Variants in RCAN2 observed in about 807,000 individuals in gnomAD.
The protein encoded by RCAN2 is calcipressin-2.
In RCAN2, 9 loss-of-function variants were observed where a neutral mutation model predicts 23.6. That is an observed-to-expected ratio of 0.38 (90% CI 0.23 to 0.67). The LOEUF (loss-of-function observed/expected upper bound fraction) is 0.67. RCAN2 is among the 30% of genes least tolerant of loss of function. The pLI, the probability that RCAN2 is intolerant of heterozygous loss-of-function variation, is 0.51. For synonymous variants in RCAN2, 109 were observed against 115.7 expected, an observed-to-expected ratio of 0.94 and a Z score of 0.37; for missense variants, 273 against 302.3, an observed-to-expected ratio of 0.90 and a Z score of 0.72.
rs535288875 is a variant in RCAN2, at chr6:46,226,537, C to T, written c.572-3236G>A. On this transcript the variant is annotated intron_variant, in intron 4 of 4. Coordinates refer to ENST00000371374, the MANE Select transcript of RCAN2 (RefSeq NM_001251974.2). The stretch of plus-strand genomic sequence containing the variant: ...GTTGAATTCCTAGGTATTTTATTCT[C>T]TTTGAAGAAATTGTGAATGGGAGTT... Among the ~76,000 whole-genome samples, 5 of 152,228 alleles carry T rather than the reference C, an allele frequency of 3.3e-5. No individual in the cohort carries two copies. The East Asian group carries it at 9.6e-4, about 29-fold the overall frequency.
At chr6:46,465,461 T>C (rs1268692149) in intron 1 of RCAN2, among the ~76,000 whole-genome samples, 1 of 152,022 alleles carries the variant, frequency 6.6e-6, no homozygotes, top group Non-Finnish European at 1.5e-5. Flanking sequence ...CAACAGATAG[T>C]ACAAAACCCT....
At chr6:46,384,214 G>T (rs1765682740) in intron 2 of RCAN2, among the ~76,000 whole-genome samples, 2 of 152,142 alleles carry the variant, frequency 1.3e-5, no homozygotes, top group South Asian at 4.1e-4. Flanking sequence ...TCCCTCATCT[G>T]CTTCGCCATT....
intron 2 of RCAN2, among the ~76,000 whole-genome samples, chr6:46,318,455 T>C (rs1763512513): frequency 6.6e-6 from 1 of 152,160 alleles, no homozygotes; most frequent in South Asian, 2.1e-4. Context: ...GTTGTAGTAC[T>C]AGACTGTAAG....
At chr6:46,416,647 T>G (rs1473859668) in intron 2 of RCAN2, among the ~76,000 whole-genome samples, 1 of 151,822 alleles carries the variant, frequency 6.6e-6, no homozygotes, top group African/African-American at 2.4e-5. Context: ...TCCGAGTGGC[T>G]AGGACTTGGG....
In RCAN2 at chr6:46,278,503, A is replaced by G. The variant is rs533609964; in HGVS notation, c.226-29607T>C. Among the ~76,000 whole-genome samples the G allele has an allele frequency of 6.6e-5, 10 of 152,276 alleles. No individual in the cohort carries two copies. In the East Asian group the frequency reaches 1.2e-3, roughly 18 times the overall value. ...TTATATATTTACTAAAATCAAGGAC[A>G]TTCTCTTCTATAACTGCTGTACAAT... On this transcript the variant is annotated intron_variant, in intron 2 of 4. Coordinates refer to ENST00000371374, the MANE Select transcript of RCAN2 (RefSeq NM_001251974.2).
chr6:46,328,997 C>G (rs1009883490), intron 2 of RCAN2, among the ~76,000 whole-genome samples: 8 of 152,122 alleles, frequency 5.3e-5, no homozygotes, highest in Non-Finnish European at 8.8e-5. Context: ...GCTACAAGGC[C>G]TTGTAAACAC....
intron 2 of RCAN2, among the ~76,000 whole-genome samples, chr6:46,439,184 T>C (rs1767457593): frequency 6.6e-6 from 1 of 152,202 alleles, no homozygotes. Context: ...GCAAGAAACA[T>C]GGGCCTGAGA....
At chr6:46,473,987 G>C (rs536458151) in intron 1 of RCAN2, among the ~76,000 whole-genome samples, 94 of 152,286 alleles carry the variant, frequency 6.2e-4, no homozygotes, top group African/African-American at 2.1e-3. Flanking sequence ...GAGTTGGACA[G>C]AAGGACTCAT....
At chr6:46,310,633 C>T (rs1200534480) in intron 2 of RCAN2, among the ~76,000 whole-genome samples, 1 of 152,038 alleles carries the variant, frequency 6.6e-6, no homozygotes, top group Non-Finnish European at 1.5e-5. Flanking sequence ...CTCCATAGTA[C>T]TGGCAAATAA....
At chr6:46,316,017 C>A (rs1305663472) in intron 2 of RCAN2, among the ~76,000 whole-genome samples, 1 of 152,194 alleles carries the variant, frequency 6.6e-6, no homozygotes, top group Non-Finnish European at 1.5e-5. Flanking sequence ...TAATTCCTCA[C>A]TCCCAAACTG....
intron 2 of RCAN2, among the ~76,000 whole-genome samples, chr6:46,454,938 C>A (rs1767976165): frequency 6.6e-6 from 1 of 152,176 alleles, no homozygotes; most frequent in African/African-American, 2.4e-5. Context: ...ATGAGATTAG[C>A]ACCTTCCTAG....
intron 2 of RCAN2, among the ~76,000 whole-genome samples, chr6:46,442,271 T>C (rs890642807): frequency 2.0e-5 from 3 of 152,238 alleles, no homozygotes; most frequent in Non-Finnish European, 2.9e-5. Context: ...AATTTACATC[T>C]TTTAAAATTT....
chr6:46,475,064 GTTT>G (rs752518725), intron 1 of RCAN2, among the ~76,000 whole-genome samples: 2 of 152,162 alleles, frequency 1.3e-5, no homozygotes, highest in African/African-American at 4.8e-5. Flanking sequence ...ATTAAAATGA[GTTT>G]TTTTATTTTT....
intron 2 of RCAN2, among the ~76,000 whole-genome samples, chr6:46,445,662 T>TAATAACATAC (rs1276619187): frequency 6.6e-6 from 1 of 152,028 alleles, no homozygotes; most frequent in Non-Finnish European, 1.5e-5. Flanking sequence ...CACAAAAATA[T>TAATAACATAC]AATAACATAC....
At position 46,385,437 on chromosome 6, in the gene RCAN2, A is replaced by G. The variant is rs1014430435; in HGVS notation, c.225+71315T>C. Among the ~76,000 whole-genome samples the G allele has an allele frequency of 7.2e-5, 11 of 152,226 alleles. 1 individual carries two copies. The highest frequency in any genetic ancestry group is 2.0e-4 in the Admixed American group (3 of 15,282). On this transcript the variant is annotated intron_variant, in intron 2 of 4. Coordinates refer to ENST00000371374, the MANE Select transcript of RCAN2 (RefSeq NM_001251974.2). ...AGCTGAAATGCAAAACCTAAAAACAAGCAATGGGGAAACGTTTCCCTATTT... is the reference window on the plus strand; with the variant it reads ...AGCTGAAATGCAAAACCTAAAAACAGGCAATGGGGAAACGTTTCCCTATTT...
At chr6:46,379,413 C>T (rs548300820) in intron 2 of RCAN2, among the ~76,000 whole-genome samples, 3 of 152,108 alleles carry the variant, frequency 2.0e-5, no homozygotes, top group East Asian at 3.9e-4. Context: ...TGGCAATGAA[C>T]GTCAACAGTC....
chr6:46,350,815 G>A (rs1483330610), intron 2 of RCAN2, among the ~76,000 whole-genome samples: 3 of 152,126 alleles, frequency 2.0e-5, no homozygotes, highest in Admixed American at 6.6e-5. Context: ...TATGTAGCAA[G>A]CACTATTCTA....
chr6:46,239,700 A>C (rs1370646552), intron 4 of RCAN2, among the ~76,000 whole-genome samples: 1 of 152,202 alleles, frequency 6.6e-6, no homozygotes, highest in Non-Finnish European at 1.5e-5. Context: ...GAGAGTGAGC[A>C]AGAGAGCAAG....
chr6:46,377,301 C>A (rs76467174), intron 2 of RCAN2, among the ~76,000 whole-genome samples: 1 of 152,176 alleles, frequency 6.6e-6, no homozygotes, highest in South Asian at 2.1e-4. Context: ...ACCTTAGAGA[C>A]CTCCTCCAAA....
Sources: gnomAD v4.1 joint callset for allele counts (sites outside exome capture counted in the v4.1 genomes callset) on GRCh38, gnomAD v4.1.1 for gene constraint, MANE v1.5 for transcripts, NCBI Gene and HGNC (gene_info 2026-07-23, HGNC 2026-07-21) for gene names.